TSHZ1: variants seen among roughly 807,000 people sequenced by gnomAD.
The protein encoded by TSHZ1 is teashirt homolog 1.
In TSHZ1, 12 loss-of-function variants were observed where a neutral mutation model predicts 67.1. The observed-to-expected ratio is 0.18, with a 90% CI of 0.11 to 0.29. TSHZ1 has a LOEUF of 0.29. Ranked by LOEUF, TSHZ1 falls within the 10% of genes least tolerant of loss-of-function variation. The probability of loss-of-function intolerance (pLI) is 1.00; values close to 1 mark genes in which losing one functional copy is unlikely to be tolerated. For missense variants in TSHZ1, 1,305 were observed against 1,413.9 expected (o/e 0.92, Z 1.23); for synonymous variants, 632 against 622.4 (o/e 1.02, Z -0.23).
chr18:75,265,552 T>G (rs1191488609), intron 1 of TSHZ1, among the ~76,000 whole-genome samples: 1 of 152,244 alleles, frequency 6.6e-6, no homozygotes, highest in Non-Finnish European at 1.5e-5. Context: ...GAGAATGGTT[T>G]TCTTTGCTGC....
intron 1 of TSHZ1, among the ~76,000 whole-genome samples, chr18:75,237,562 A>G (rs183208376): frequency 1.3e-5 from 2 of 152,074 alleles, no homozygotes; most frequent in Non-Finnish European, 2.9e-5. Flanking sequence ...ACATGCATGC[A>G]TATATATGTG....
At chr18:75,250,497 C>T (rs529456056) in intron 1 of TSHZ1, among the ~76,000 whole-genome samples, 1 of 152,318 alleles carries the variant, frequency 6.6e-6, no homozygotes, top group East Asian at 1.9e-4. Flanking sequence ...CCCGCGTGGA[C>T]GTGGACGGGG....
At chr18:75,259,307 A>G (rs556330271) in intron 1 of TSHZ1, among the ~76,000 whole-genome samples, 1 of 152,266 alleles carries the variant, frequency 6.6e-6, no homozygotes, top group South Asian at 2.1e-4. Flanking sequence ...GCTTATCCTC[A>G]GTTTTGCTTT....
chr18:75,235,450 A>C lies in TSHZ1; in HGVS notation c.40+23534A>C, dbSNP rs370740838. Among the ~76,000 whole-genome samples, 33 of 152,260 alleles carry C rather than the reference A, an allele frequency of 2.2e-4. 1 individual carries two copies. Among genetic ancestry groups the C allele is most frequent in the South Asian group, 1.9e-3 (9 of 4,826 alleles). ...GATTTCTCAACTATAAATTGGGATG[A>C]TAATACCTGGGACCGATTCCTACCT... On this transcript the variant is annotated intron_variant, in intron 1 of 1. Coordinates refer to ENST00000580243, the MANE Select transcript of TSHZ1 (RefSeq NM_001308210.2).
chr18:75,224,329 C>T (rs1184280288), intron 1 of TSHZ1, among the ~76,000 whole-genome samples: 5 of 152,226 alleles, frequency 3.3e-5, no homozygotes, highest in East Asian at 1.9e-4. Context: ...AATTTCGCAT[C>T]GTGAAACCCA....
intron 1 of TSHZ1, among the ~76,000 whole-genome samples, chr18:75,218,066 A>G (rs2022796134): frequency 6.6e-6 from 1 of 152,238 alleles, no homozygotes; most frequent in Non-Finnish European, 1.5e-5. Flanking sequence ...GTTGAATCAT[A>G]GATGGGGCAG....
At chr18:75,218,742 T>C (rs1466712261) in intron 1 of TSHZ1, among the ~76,000 whole-genome samples, 2 of 152,128 alleles carry the variant, frequency 1.3e-5, no homozygotes, top group Non-Finnish European at 2.9e-5. Flanking sequence ...AAAAAGTAAA[T>C]GGTAAATTAC....
intron 1 of TSHZ1, among the ~76,000 whole-genome samples, chr18:75,238,467 GGAT>G (rs2023109874): frequency 6.6e-6 from 1 of 152,144 alleles, no homozygotes; most frequent in African/African-American, 2.4e-5. Context: ...GCGTCGACAT[GGAT>G]GATATCTGGT....
intron 1 of TSHZ1, among the ~76,000 whole-genome samples, chr18:75,252,836 T>C (rs2023320579): frequency 6.6e-6 from 1 of 152,180 alleles, no homozygotes; most frequent in African/African-American, 2.4e-5. Context: ...TTAAGTACTA[T>C]ATCTATAAAA....
chr18:75,277,789 A>G (rs890550778), intron 1 of TSHZ1, among the ~76,000 whole-genome samples: 2 of 152,210 alleles, frequency 1.3e-5, no homozygotes, highest in Non-Finnish European at 2.9e-5. Flanking sequence ...TTCAGACCGC[A>G]GCAGCTGACA....
Position 75,287,573 on chromosome 18 carries a change from G to A in TSHZ1, c.2166G>A (p.Lys722=). Residue 722 remains lysine (K), a synonymous_variant, in exon 2 of 2, where the codon AAG becomes AAA. Coordinates refer to ENST00000580243, the MANE Select transcript of TSHZ1 (RefSeq NM_001308210.2). The surrounding 1 kb of genome is among the most constrained non-coding windows in gnomAD (Gnocchi z 5.0). ...ATGGCACAGAGCCTCTCAAAGCAAAGGTCACCAACGGCTGTAACAACCTGG... is the reference window on the plus strand; with the variant it reads ...ATGGCACAGAGCCTCTCAAAGCAAAAGTCACCAACGGCTGTAACAACCTGG... ...TPNGTEPLKA[K]VTNGCNNLGI... The A allele has an allele frequency of 6.2e-7, 1 of 1,614,182 alleles. No homozygotes were observed. The highest frequency in any genetic ancestry group is 8.5e-7 in the Non-Finnish European group (1 of 1,180,038).
chr18:75,268,029 C>T (rs35281515), intron 1 of TSHZ1, among the ~76,000 whole-genome samples: 12,619 of 152,174 alleles, frequency 0.083, 606 homozygotes, highest in Non-Finnish European at 0.1. Context: ...TGATACTGGC[C>T]GTTTTGGTGA....
At chr18:75,275,123 G>A (rs1380693197) in intron 1 of TSHZ1, among the ~76,000 whole-genome samples, 1 of 152,224 alleles carries the variant, frequency 6.6e-6, no homozygotes, top group Non-Finnish European at 1.5e-5. Flanking sequence ...CATCCATGCC[G>A]CGACGGCCTA....
intron 1 of TSHZ1, among the ~76,000 whole-genome samples, chr18:75,252,800 C>G (rs1206069431): frequency 6.6e-6 from 1 of 152,142 alleles, no homozygotes; most frequent in Non-Finnish European, 1.5e-5. Flanking sequence ...CAATCTGCCT[C>G]TGTTCCTGCC....
At chr18:75,264,723 C>T (rs1468040680) in intron 1 of TSHZ1, among the ~76,000 whole-genome samples, 2 of 150,716 alleles carry the variant, frequency 1.3e-5, no homozygotes, top group South Asian at 2.1e-4. Flanking sequence ...ATTATGGAAG[C>T]GAGTCAGGAT....
intron 1 of TSHZ1, among the ~76,000 whole-genome samples, chr18:75,274,181 G>A (rs1434461563): frequency 1.3e-5 from 2 of 152,258 alleles, no homozygotes; most frequent in East Asian, 1.9e-4. Context: ...TGGCAAAGCT[G>A]TTTTGACACA....
At chr18:75,255,006 G>A (rs1428725213) in intron 1 of TSHZ1, among the ~76,000 whole-genome samples, 1 of 152,126 alleles carries the variant, frequency 6.6e-6, no homozygotes, top group Non-Finnish European at 1.5e-5. Flanking sequence ...ATAATTGATA[G>A]TATAAATTCT....
chr18:75,262,697 A>G (rs2023445359), intron 1 of TSHZ1, among the ~76,000 whole-genome samples: 1 of 152,228 alleles, frequency 6.6e-6, no homozygotes, highest in Non-Finnish European at 1.5e-5. Context: ...TCCAAGTGCC[A>G]CACAGTCTCT....
intron 1 of TSHZ1, among the ~76,000 whole-genome samples, chr18:75,230,974 A>C (rs903329259): frequency 6.6e-6 from 1 of 152,222 alleles, no homozygotes; most frequent in East Asian, 1.9e-4. Flanking sequence ...GTTAAAAAAA[A>C]CCTGTCAGTT....
Sources: gnomAD v4.1 joint callset for allele counts (sites outside exome capture counted in the v4.1 genomes callset) on GRCh38, gnomAD v4.1.1 for gene constraint, Gnocchi (gnomAD v3.1) non-coding constraint, MANE v1.5 for transcripts, NCBI Gene and HGNC (gene_info 2026-07-23, HGNC 2026-07-21) for gene names.